Variants in CHODL observed in about 807,000 individuals in gnomAD.
CHODL encodes the protein transmembrane protein MT75.
A neutral mutation model predicts 34.5 loss-of-function variants in CHODL; 29 were observed. That is an observed-to-expected ratio of 0.84 (90% CI 0.63 to 1.15). The LOEUF (loss-of-function observed/expected upper bound fraction) is 1.15, where lower values mean the gene tolerates loss of function less well. Among genes scored for constraint, CHODL ranks in the 50% most tolerant of loss-of-function variants. The probability of loss-of-function intolerance (pLI) is 0.00; values close to 1 mark genes in which losing one functional copy is unlikely to be tolerated. For missense variants in CHODL, 332 were observed against 332.5 expected, an observed-to-expected ratio of 1.00 and a Z score of 0.01; for synonymous variants, 125 against 116.1, an observed-to-expected ratio of 1.08 and a Z score of -0.49.
chr21:18,036,436 C>G (rs1362580401), intron 2 of CHODL, among the ~76,000 whole-genome samples: 1 of 151,986 alleles, frequency 6.6e-6, no homozygotes, highest in East Asian at 1.9e-4. Flanking sequence ...CTCTGGCACT[C>G]TGCCCTGTGA....
intron 1 of CHODL, among the ~76,000 whole-genome samples, chr21:17,956,521 A>G (rs1261628369): frequency 7.3e-6 from 1 of 136,954 alleles, no homozygotes; most frequent in Non-Finnish European, 1.7e-5. Flanking sequence ...TCAGTTTCTT[A>G]GTCTGTTTGG....
At chr21:18,201,187 GTTTA>G (rs1165202380) in intron 2 of CHODL, among the ~76,000 whole-genome samples, 1 of 152,124 alleles carries the variant, frequency 6.6e-6, no homozygotes, top group Non-Finnish European at 1.5e-5. Flanking sequence ...ATGAAGCTGA[GTTTA>G]TTCCTTAACT....
At chr21:18,119,646 G>C (rs975277360) in intron 2 of CHODL, among the ~76,000 whole-genome samples, 1 of 152,142 alleles carries the variant, frequency 6.6e-6, no homozygotes, top group African/African-American at 2.4e-5. Flanking sequence ...TTTCAATTAA[G>C]AAGTTGCCCT....
At chr21:18,212,726 C>G (rs190808616) in intron 2 of CHODL, among the ~76,000 whole-genome samples, 1 of 152,176 alleles carries the variant, frequency 6.6e-6, no homozygotes, top group East Asian at 1.9e-4. Context: ...TAAATATTCA[C>G]TTGAATTGAG....
chr21:18,148,661 T>G (rs958352100), intron 2 of CHODL, among the ~76,000 whole-genome samples: 3 of 152,180 alleles, frequency 2.0e-5, no homozygotes, highest in East Asian at 1.9e-4. Context: ...ATTCCTTCCT[T>G]ATATGAAAAG....
At chr21:18,038,604 T>C (rs1036446355) in intron 2 of CHODL, among the ~76,000 whole-genome samples, 1 of 151,760 alleles carries the variant, frequency 6.6e-6, no homozygotes, top group Non-Finnish European at 1.5e-5. Context: ...TAAGTTTAGA[T>C]AGAAGCTCTT....
At position 18,118,820 on chromosome 21, in the gene CHODL, C is replaced by T. The variant is rs188007531; in HGVS notation, c.-45+90849C>T. On this transcript the variant is annotated intron_variant, in intron 2 of 6. Coordinates refer to the CHODL transcript ENST00000400127. ...AAGGGCAGTTACCATACTTTAAATA[C>T]AAAAACTCATGACTACTATAGATTT... 4.6e-4 allele frequency among the ~76,000 whole-genome samples: 70 copies of T among 152,262 alleles called. No homozygotes were observed. In the East Asian group the frequency reaches 0.013, roughly 28 times the overall value.
chr21:18,025,501 G>A (rs527975010), intron 1 of CHODL, among the ~76,000 whole-genome samples: 4 of 152,238 alleles, frequency 2.6e-5, no homozygotes, highest in South Asian at 4.1e-4. Flanking sequence ...TTTTCTCAGA[G>A]ATGGAAGTAA....
At chr21:18,056,548 T>A (rs1231037860) in intron 2 of CHODL, among the ~76,000 whole-genome samples, 2 of 151,716 alleles carry the variant, frequency 1.3e-5, no homozygotes, top group Non-Finnish European at 2.9e-5. Flanking sequence ...TCTTCAATTC[T>A]GGAAATATTG....
At chr21:18,120,619 T>C (rs1469217001) in intron 2 of CHODL, among the ~76,000 whole-genome samples, 1 of 152,152 alleles carries the variant, frequency 6.6e-6, no homozygotes. Context: ...GTTTTAAAAA[T>C]GTGTGTGTAC....
At chr21:18,067,817 T>C (rs2064749371) in intron 2 of CHODL, among the ~76,000 whole-genome samples, 1 of 152,208 alleles carries the variant, frequency 6.6e-6, no homozygotes, top group East Asian at 1.9e-4. Context: ...TCCTCTCTTT[T>C]GTTCTACTTG....
intron 1 of CHODL, among the ~76,000 whole-genome samples, chr21:18,001,359 A>AT (rs1291049478): frequency 6.6e-6 from 1 of 152,244 alleles, no homozygotes; most frequent in Non-Finnish European, 1.5e-5. Context: ...CTTTGGTCTT[A>AT]TTGGTCTTGC....
chr21:17,954,017 T>A (rs2849908), intron 1 of CHODL, among the ~76,000 whole-genome samples: 62,912 of 151,324 alleles, frequency 0.42, 13,403 homozygotes, highest in East Asian at 0.64. Flanking sequence ...TCAAAAAAAA[T>A]TTTTTTAAAT....
chr21:17,926,994 GCACACACACACA>G (rs1324368590), intron 1 of CHODL, among the ~76,000 whole-genome samples: 1 of 149,152 alleles, frequency 6.7e-6, no homozygotes, highest in Admixed American at 6.7e-5. Context: ...ACACACACAC[GCACACACACACA>G]GACATACACA....
chr21:17,999,436 C>T (rs971940130), intron 1 of CHODL, among the ~76,000 whole-genome samples: 8 of 152,182 alleles, frequency 5.3e-5, no homozygotes, highest in African/African-American at 1.9e-4. Context: ...TTCAGCAACA[C>T]CCCACTTTAC....
intron 1 of CHODL, among the ~76,000 whole-genome samples, chr21:17,918,204 C>T (rs1026650881): frequency 3.3e-5 from 5 of 151,726 alleles, no homozygotes; most frequent in Non-Finnish European, 5.9e-5. Context: ...TATTTTATTT[C>T]ATATATTTTA....
intron 2 of CHODL, among the ~76,000 whole-genome samples, chr21:18,085,758 A>G (rs149007266): frequency 2.8e-4 from 43 of 152,284 alleles, no homozygotes; most frequent in African/African-American, 1.0e-3. Flanking sequence ...AGGTGACTAT[A>G]TGCTTTTCTC....
At chr21:18,122,315 T>C (rs1400862077) in intron 2 of CHODL, among the ~76,000 whole-genome samples, 2 of 152,228 alleles carry the variant, frequency 1.3e-5, no homozygotes, top group East Asian at 1.9e-4. Flanking sequence ...TAATATTATA[T>C]ACTTTCTTAC....
chr21:18,220,036 A>G (rs1238023458), intron 2 of CHODL, among the ~76,000 whole-genome samples: 1 of 152,082 alleles, frequency 6.6e-6, no homozygotes, highest in Non-Finnish European at 1.5e-5. Flanking sequence ...CTGTCCCAAT[A>G]TTTTCATTTA....
Sources: allele counts gnomAD v4.1 joint callset (sites outside exome capture counted in the v4.1 genomes callset), GRCh38; gene constraint gnomAD v4.1.1; transcripts MANE v1.5; gene names NCBI Gene and HGNC (gene_info 2026-07-23, HGNC 2026-07-21).